Variants in KCNIP4 observed in about 807,000 individuals in gnomAD.
The protein encoded by KCNIP4 is potassium voltage-gated channel interacting protein 4, also known as Kv channel-interacting protein 4.
A neutral mutation model predicts 34.0 loss-of-function variants in KCNIP4; 12 were observed. The ratio of observed to expected loss-of-function variants is 0.35; its 90% CI spans 0.23 to 0.57. The LOEUF is 0.57. KCNIP4 is among the 20% of genes least tolerant of loss of function. The probability of loss-of-function intolerance (pLI) is 0.83; values close to 1 mark genes in which losing one functional copy is unlikely to be tolerated. For missense variants in KCNIP4, 238 were observed against 311.7 expected (o/e 0.76, Z 1.78); for synonymous variants, 124 against 102.2 (o/e 1.21, Z -1.29).
In KCNIP4 at chr4:20,736,787, G is replaced by A. The variant is rs146294254; in HGVS notation, c.430-2052C>T. Among the ~76,000 whole-genome samples, 409 of 152,188 alleles carry A rather than the reference G, an allele frequency of 2.7e-3. 1 individual carries two copies. The highest frequency in any genetic ancestry group is 8.6e-3 in the African/African-American group (359 of 41,526). Reference sequence around the variant, plus strand: ...GCCACAGACCTTTTTTAGCAAAAATGAAAAAGACAAAAACAGAAATAATTG... The same window carrying A: ...GCCACAGACCTTTTTTAGCAAAAATAAAAAAGACAAAAACAGAAATAATTG... On this transcript the variant is annotated intron_variant, in intron 5 of 8. Transcript: ENST00000382152.
intron 3 of KCNIP4, among the ~76,000 whole-genome samples, chr4:20,834,822 G>A (rs919290150): frequency 2.0e-5 from 3 of 152,172 alleles, no homozygotes; most frequent in African/African-American, 7.2e-5. Flanking sequence ...AAGAACTTGT[G>A]TCATGAAATT....
intron 1 of KCNIP4, among the ~76,000 whole-genome samples, chr4:21,714,345 T>C (rs1713983455): frequency 1.3e-5 from 2 of 152,100 alleles, no homozygotes; most frequent in Non-Finnish European, 2.9e-5. Flanking sequence ...TAGTCTCCTT[T>C]GTTCTTTGAG....
chr4:20,903,090 G>A (rs1164132291), intron 1 of KCNIP4, among the ~76,000 whole-genome samples: 1 of 152,140 alleles, frequency 6.6e-6, no homozygotes, highest in Non-Finnish European at 1.5e-5. Context: ...CCTATACCGG[G>A]ATGCTGTTTC....
At chr4:21,112,193 T>C (rs576723618) in intron 1 of KCNIP4, among the ~76,000 whole-genome samples, 149 of 152,288 alleles carry the variant, frequency 9.8e-4, no homozygotes, top group African/African-American at 3.3e-3. Flanking sequence ...AAGGTTAGCA[T>C]GTACTAGGAA....
At chr4:21,491,765 G>T (rs150239526) in intron 1 of KCNIP4, among the ~76,000 whole-genome samples, 116 of 152,282 alleles carry the variant, frequency 7.6e-4, no homozygotes, top group African/African-American at 2.7e-3. Context: ...TTTTATCAGT[G>T]TTGGCCTCAA....
chr4:20,882,374 C>A (rs1724790091), intron 2 of KCNIP4, among the ~76,000 whole-genome samples: 1 of 151,958 alleles, frequency 6.6e-6, no homozygotes, highest in African/African-American at 2.4e-5. Context: ...CAAAAATGTC[C>A]CAGTGTTTTG....
At chr4:20,884,886 A>C (rs1214698414) in intron 1 of KCNIP4, among the ~76,000 whole-genome samples, 1 of 152,004 alleles carries the variant, frequency 6.6e-6, no homozygotes, top group African/African-American at 2.4e-5. Flanking sequence ...TTTTTAGTAG[A>C]GACAGGGCTT....
chr4:20,886,677 T>C lies in KCNIP4; in HGVS notation c.62-3968A>G, dbSNP rs535144724. Among the ~76,000 whole-genome samples the C allele has an allele frequency of 2.0e-5, 3 of 152,258 alleles. No homozygotes were observed. The East Asian group carries it at 5.8e-4, about 29-fold the overall frequency. On this transcript the variant is annotated intron_variant, in intron 1 of 8. Transcript: ENST00000382152. ...GCCCTGAGAACTCAGAAAAACCACT[T>C]TGGGAGTAAGGATAATTTCCTAGAG...
intron 1 of KCNIP4, among the ~76,000 whole-genome samples, chr4:21,373,151 G>A (rs978529756): frequency 6.8e-6 from 1 of 146,564 alleles, no homozygotes; most frequent in Non-Finnish European, 1.5e-5. Context: ...GCAAGACCTT[G>A]TCTCTACAAA....
In KCNIP4 at chr4:21,075,795, G is replaced by A. The variant is rs1451105030; in HGVS notation, c.62-193086C>T. On this transcript the variant is annotated intron_variant, in intron 1 of 8. Coordinates refer to ENST00000382152, the MANE Select transcript of KCNIP4 (RefSeq NM_025221.6). ...GCTGGTACAAGTTGTTCCTTTCCAT[G>A]TTCAGTGCTTCCTTCAGGCCTCTTT... 2.0e-5 allele frequency among the ~76,000 whole-genome samples: 3 copies of A among 152,146 alleles called. No homozygotes were observed. In the East Asian group the frequency reaches 5.8e-4, roughly 29 times the overall value.
At chr4:21,506,154 C>T (rs949958993) in intron 1 of KCNIP4, among the ~76,000 whole-genome samples, 4 of 152,142 alleles carry the variant, frequency 2.6e-5, no homozygotes, top group African/African-American at 9.7e-5. Flanking sequence ...ATTATGTGGA[C>T]ATGTGCTTAA....
At chr4:21,658,240 C>A (rs1748133610) in intron 1 of KCNIP4, among the ~76,000 whole-genome samples, 1 of 152,140 alleles carries the variant, frequency 6.6e-6, no homozygotes. Context: ...CTTTTAAAGA[C>A]CTCATTAAAC....
In KCNIP4 at chr4:21,798,404, C is replaced by CATACATATATATATAT. The variant is rs557219481; in HGVS notation, c.61+150166_61+150167insATATATATATATGTAT. On this transcript the variant is annotated intron_variant, in intron 1 of 8. Transcript: ENST00000382152. Reference sequence around the variant, plus strand: ...CCGTTTCCACACACACAAAAAAATACATATATATATATATATATATATTTG... The same window carrying CATACATATATATATAT: ...CCGTTTCCACACACACAAAAAAATACATACATATATATATATATATATATATATATATATATATTTG... 7.6e-4 allele frequency among the ~76,000 whole-genome samples: 98 copies of CATACATATATATATAT among 129,670 alleles called. 1 individual carries two copies. The South Asian group carries it at 0.016, about 21-fold the overall frequency. 85.1% of individuals were successfully genotyped at this position (129,670 alleles called of 152,430 possible). A position where few individuals can be genotyped will look rare whatever the true frequency, so the allele number is the denominator to read the frequency against.
At chr4:20,930,185 A>ACCAACGGAACAGAATATAGAGAG (rs1730311820) in intron 1 of KCNIP4, among the ~76,000 whole-genome samples, 1 of 152,084 alleles carries the variant, frequency 6.6e-6, no homozygotes, top group African/African-American at 2.4e-5. Flanking sequence ...GAAAATGTGG[A>ACCAACGGAACAGAATATAGAGAG]CCAACGGAAC....
chr4:20,896,440 T>C (rs1026979455), intron 1 of KCNIP4, among the ~76,000 whole-genome samples: 3 of 152,200 alleles, frequency 2.0e-5, no homozygotes, highest in Admixed American at 6.5e-5. Flanking sequence ...TATAAAGTTA[T>C]ATTGGTTTAG....
intron 3 of KCNIP4, among the ~76,000 whole-genome samples, chr4:20,817,135 AG>A (rs1325904061): frequency 2.0e-5 from 3 of 152,202 alleles, no homozygotes; most frequent in African/African-American, 7.2e-5. Flanking sequence ...GAGAGGAAGG[AG>A]GGTTCATAAA....
intron 1 of KCNIP4, among the ~76,000 whole-genome samples, chr4:21,790,859 G>T (rs1052128061): frequency 1.4e-5 from 2 of 146,448 alleles, no homozygotes; most frequent in Admixed American, 1.5e-4. Context: ...AGCTGAAAAG[G>T]TATCATTCTG....
rs536946716 is a variant in KCNIP4 at position 21,593,119 on chromosome 4, T to TTG, written c.61+355450_61+355451dup. 2.3e-3 allele frequency among the ~76,000 whole-genome samples: 307 copies of TTG among 134,970 alleles called. 1 individual carries two copies. In the South Asian group the frequency reaches 0.034, roughly 15 times the overall value. The allele number at this position is 134,970 out of a possible 152,430, so 88.5% of individuals were successfully genotyped here. On this transcript the variant is annotated intron_variant, in intron 1 of 8. Transcript: ENST00000382152. Reference sequence around the variant, plus strand: ...ATTTAAATAATGTGTGTGTGTGTGTTTGTGTGTGTGTGTGTGTGTGTGTGT... The same window carrying TTG: ...ATTTAAATAATGTGTGTGTGTGTGTTTGTGTGTGTGTGTGTGTGTGTGTGTGT...
At chr4:21,464,092 A>G (rs1403157340) in intron 1 of KCNIP4, among the ~76,000 whole-genome samples, 1 of 151,712 alleles carries the variant, frequency 6.6e-6, no homozygotes, top group East Asian at 1.9e-4. Flanking sequence ...ATCAACTTAT[A>G]CCTTCTTTCC....
Sources: gnomAD v4.1 joint callset for allele counts (sites outside exome capture counted in the v4.1 genomes callset) on GRCh38, gnomAD v4.1.1 for gene constraint, MANE v1.5 for transcripts, NCBI Gene and HGNC (gene_info 2026-07-23, HGNC 2026-07-21) for gene names.